NINJ2: variants seen among roughly 807,000 people sequenced by gnomAD.
NINJ2 encodes ninjurin-2.
In NINJ2, 12 loss-of-function variants were observed where a neutral mutation model predicts 11.7. That is an observed-to-expected ratio of 1.02 (90% CI 0.66 to 1.66). The LOEUF is 1.66. Ranked by LOEUF, NINJ2 falls within the 40% of genes most tolerant of loss-of-function variation. NINJ2 has a pLI of 0.00. For missense variants in NINJ2, 187 were observed against 181.8 expected (o/e 1.03, Z -0.16); for synonymous variants, 93 against 76.8 (o/e 1.21, Z -1.10).
chr12:649,789 CAT>C (rs902160717), intron 1 of NINJ2, among the ~76,000 whole-genome samples: 20 of 151,894 alleles, frequency 1.3e-4, no homozygotes, highest in South Asian at 1.2e-3. Context: ...TTTTCCTACA[CAT>C]GTTTATTCTA....
At chr12:568,966 A>C (rs1030824891) in intron 1 of NINJ2, among the ~76,000 whole-genome samples, 3 of 142,058 alleles carry the variant, frequency 2.1e-5, no homozygotes, top group African/African-American at 7.7e-5. Flanking sequence ...CACCAAAATC[A>C]GGCTGGGGCC....
intron 1 of NINJ2, among the ~76,000 whole-genome samples, chr12:654,715 G>A (rs1162894924): frequency 6.6e-6 from 1 of 151,594 alleles, no homozygotes; most frequent in Non-Finnish European, 1.5e-5. Context: ...CCAACATGGA[G>A]AAACCTGTCT....
At chr12:589,980 C>T (rs920787544) in intron 1 of NINJ2, among the ~76,000 whole-genome samples, 4 of 152,044 alleles carry the variant, frequency 2.6e-5, no homozygotes, top group South Asian at 4.1e-4. Context: ...AGAGGTGGAG[C>T]GGTGTGGGGC....
chr12:615,684 C>CT (rs1470187391), intron 1 of NINJ2, among the ~76,000 whole-genome samples: 1 of 152,230 alleles, frequency 6.6e-6, no homozygotes, highest in Non-Finnish European at 1.5e-5. Flanking sequence ...AAATTTATCC[C>CT]TCTTTCTCAG....
chr12:620,243 G>C (rs544767134), intron 1 of NINJ2, among the ~76,000 whole-genome samples: 1 of 152,350 alleles, frequency 6.6e-6, no homozygotes, highest in East Asian at 1.9e-4. Context: ...CAAGAGACCT[G>C]GATGGAAATG....
intron 1 of NINJ2, among the ~76,000 whole-genome samples, chr12:617,673 C>T (rs1452918887): frequency 1.3e-5 from 2 of 152,206 alleles, no homozygotes; most frequent in South Asian, 2.1e-4. Flanking sequence ...GCTGCAGCCC[C>T]GCTGGCGTCG....
At chr12:635,643 G>A (rs978785402) in intron 1 of NINJ2, among the ~76,000 whole-genome samples, 10 of 152,128 alleles carry the variant, frequency 6.6e-5, no homozygotes, top group East Asian at 1.9e-4. Context: ...AAGAAAACAC[G>A]GGGAAAAATC....
chr12:651,649 A>G (rs772921894), intron 1 of NINJ2, among the ~76,000 whole-genome samples: 2 of 152,234 alleles, frequency 1.3e-5, no homozygotes, highest in African/African-American at 4.8e-5. Flanking sequence ...ACTTTATCAG[A>G]CCAAGGATTT....
chr12:641,702 G>A (rs1282317337), intron 1 of NINJ2, among the ~76,000 whole-genome samples: 1 of 152,112 alleles, frequency 6.6e-6, no homozygotes, highest in Non-Finnish European at 1.5e-5. Flanking sequence ...AAAATGAGCC[G>A]GGCGTGGTGG....
intron 1 of NINJ2, among the ~76,000 whole-genome samples, chr12:627,999 G>A (rs997040535): frequency 4.6e-5 from 7 of 152,118 alleles, no homozygotes; most frequent in African/African-American, 9.7e-5. Flanking sequence ...TGTCCCTGCC[G>A]CATCCTCCCC....
intron 1 of NINJ2, among the ~76,000 whole-genome samples, chr12:569,367 G>T (rs1480671967): frequency 6.6e-6 from 1 of 152,204 alleles, no homozygotes; most frequent in Non-Finnish European, 1.5e-5. Context: ...CACTCATTAG[G>T]CAAGAGAGTC....
rs1229486268 is a variant in NINJ2 at position 640,160 on chromosome 12, T to A, written c.33+23168A>T. On this transcript the variant is annotated intron_variant, in intron 1 of 3. Coordinates refer to ENST00000305108, the MANE Select transcript of NINJ2 (RefSeq NM_016533.6). This position sits in a 1 kb window ranked among gnomAD's most constrained non-coding sequence, Gnocchi z 4.0. ...TACACTGGAACTGGCAGTAATGATC[T>A]CACAAAAGCAGGAAAGCTGAGCAGT... 6.6e-6 allele frequency among the ~76,000 whole-genome samples: 1 copy of A among 152,198 alleles called. No individual in the cohort carries two copies. The highest frequency in any genetic ancestry group is 1.5e-5 in the Non-Finnish European group (1 of 68,018).
At chr12:639,409 G>A (rs1011306024) in intron 1 of NINJ2, among the ~76,000 whole-genome samples, 1 of 152,150 alleles carries the variant, frequency 6.6e-6, no homozygotes, top group Non-Finnish European at 1.5e-5. Flanking sequence ...CAAGGAGGTG[G>A]CAGACCCAGG....
At chr12:601,299 C>T (rs1363524824) in intron 1 of NINJ2, among the ~76,000 whole-genome samples, 8 of 152,192 alleles carry the variant, frequency 5.3e-5, no homozygotes, top group Admixed American at 2.6e-4. Flanking sequence ...GTAATCCCAG[C>T]ACTTTGGGAG....
At chr12:577,451 T>C (rs1028890963) in intron 1 of NINJ2, among the ~76,000 whole-genome samples, 5 of 59,454 alleles carry the variant, frequency 8.4e-5, no homozygotes, top group African/African-American at 2.8e-4. Flanking sequence ...ATAAATATTT[T>C]GGCACGATCT....
chr12:629,762 CT>C (rs1778609464), intron 1 of NINJ2, among the ~76,000 whole-genome samples: 1 of 150,526 alleles, frequency 6.6e-6, no homozygotes, highest in East Asian at 2.0e-4. Context: ...TGGCGCATGC[CT>C]GTAATCCCAG....
intron 1 of NINJ2, among the ~76,000 whole-genome samples, chr12:595,651 G>A (rs1354303040): frequency 6.6e-6 from 1 of 152,198 alleles, no homozygotes; most frequent in African/African-American, 2.4e-5. Flanking sequence ...TACTCGGGAG[G>A]CTGAGGCAGG....
chr12:588,167 C>CGGAAGGGAT (rs770846818), intron 1 of NINJ2, among the ~76,000 whole-genome samples: 143 of 128,156 alleles, frequency 1.1e-3, no homozygotes, highest in Non-Finnish European at 1.8e-3. Context: ...AGGGAAGGGA[C>CGGAAGGGAT]GGAAGGGACG....
rs553595765 is a variant in NINJ2 at position 643,772 on chromosome 12, A to G, written c.33+19556T>C. 23 of 720,392 alleles carry G rather than the reference A, an allele frequency of 3.2e-5. No individual in the cohort carries two copies. In the Middle Eastern group the frequency reaches 9.9e-4, roughly 31 times the overall value. The allele number at this position is 720,392 out of a possible 1,614,324, so 44.6% of individuals were successfully genotyped here. ...CTCACATCATGGGAGCAGTCAGTCT[A>G]CTCTTCCAGTAGAAACTGTTTTGCC... On this transcript the variant is annotated intron_variant, in intron 1 of 3. Transcript: ENST00000305108.
Sources: gnomAD v4.1 joint callset for allele counts (sites outside exome capture counted in the v4.1 genomes callset) on GRCh38, gnomAD v4.1.1 for gene constraint, Gnocchi (gnomAD v3.1) non-coding constraint, MANE v1.5 for transcripts, NCBI Gene and HGNC (gene_info 2026-07-23, HGNC 2026-07-21) for gene names.